The following CSMD1 variants were observed in gnomAD, a reference collection of about 807,000 sequenced individuals.
CSMD1 encodes the protein CUB and Sushi multiple domains 1.
In CSMD1, 213 loss-of-function variants were observed where a neutral mutation model predicts 417.5. The ratio of observed to expected loss-of-function variants is 0.51; its 90% CI spans 0.46 to 0.57. The LOEUF is 0.57. CSMD1 is among the 20% of genes least tolerant of loss of function. The probability of loss-of-function intolerance (pLI) is 0.00; values close to 1 mark genes in which losing one functional copy is unlikely to be tolerated. For missense variants in CSMD1, 6,923 were observed against 4,529.7 expected, an observed-to-expected ratio of 1.53 and a Z score of -15.17; for synonymous variants, 2,862 against 1,736.8, an observed-to-expected ratio of 1.65 and a Z score of -16.11.
At chr8:3,936,684 A>T (rs1810522770) in intron 5 of CSMD1, among the ~76,000 whole-genome samples, 1 of 152,216 alleles carries the variant, frequency 6.6e-6, no homozygotes, top group Non-Finnish European at 1.5e-5. Flanking sequence ...ACCTGGTCAC[A>T]CAAGAGCTCT....
intron 46 of CSMD1, among the ~76,000 whole-genome samples, chr8:3,101,516 G>C (rs536024320): frequency 6.6e-6 from 1 of 152,064 alleles, no homozygotes; most frequent in Non-Finnish European, 1.5e-5. Flanking sequence ...TCCACCTCCG[G>C]GGTTCACACC....
chr8:3,858,716 T>A (rs371803786), intron 5 of CSMD1, among the ~76,000 whole-genome samples: 9 of 152,118 alleles, frequency 5.9e-5, no homozygotes, highest in African/African-American at 2.2e-4. Context: ...AAATAGTCCA[T>A]AAATCAGATT....
chr8:3,605,987 G>C (rs915724486), intron 8 of CSMD1, among the ~76,000 whole-genome samples: 1 of 152,066 alleles, frequency 6.6e-6, no homozygotes, highest in African/African-American at 2.4e-5. Context: ...TGTGGGGTCC[G>C]GTCATATAAA....
At chr8:4,779,067 C>G (rs141344005) in intron 1 of CSMD1, among the ~76,000 whole-genome samples, 373 of 152,282 alleles carry the variant, frequency 2.4e-3, no homozygotes, top group Admixed American at 5.4e-3. Flanking sequence ...GCTGTACATA[C>G]AGAATCCTTA....
chr8:3,104,134 T>C (rs1056857586), intron 46 of CSMD1, among the ~76,000 whole-genome samples: 6 of 152,232 alleles, frequency 3.9e-5, no homozygotes, highest in African/African-American at 1.4e-4. Context: ...AAGTCTTCTA[T>C]TCTGAGAAAC....
intron 5 of CSMD1, among the ~76,000 whole-genome samples, chr8:3,889,411 T>G (rs1217973405): frequency 1.4e-5 from 2 of 140,696 alleles, no homozygotes; most frequent in African/African-American, 5.2e-5. Context: ...AAATAATGCC[T>G]TCCACATTGT....
At chr8:3,971,425 G>A (rs1027333979) in intron 5 of CSMD1, among the ~76,000 whole-genome samples, 1 of 151,920 alleles carries the variant, frequency 6.6e-6, no homozygotes. Context: ...TATATTTTTT[G>A]GCCCTCTCTA....
At chr8:3,519,813 T>C (rs1467932562) in intron 10 of CSMD1, among the ~76,000 whole-genome samples, 1 of 146,844 alleles carries the variant, frequency 6.8e-6, no homozygotes, top group Non-Finnish European at 1.5e-5. Flanking sequence ...GCTACATTAC[T>C]GTTACCTCTT....
In CSMD1 at chr8:4,944,146, T is replaced by C. The variant is rs146573163; in HGVS notation, c.85+50186A>G. On this transcript the variant is annotated intron_variant, in intron 1 of 69. Transcript: ENST00000635120. The stretch of plus-strand genomic sequence containing the variant: ...CTGCTGAGTTTTAGGCATCTGAATA[T>C]CTTGGAAGTCTCATGAAAGAGAAAA... Among the ~76,000 whole-genome samples the C allele has an allele frequency of 5.9e-5, 9 of 152,282 alleles. 1 individual carries two copies. Among genetic ancestry groups the C allele is most frequent in the African/African-American group, 1.9e-4 (8 of 41,554 alleles).
At chr8:4,840,111 C>T (rs1375322716) in intron 1 of CSMD1, among the ~76,000 whole-genome samples, 2 of 18,630 alleles carry the variant, frequency 1.1e-4, no homozygotes, top group Non-Finnish European at 1.8e-4. Flanking sequence ...CTCACTTAGA[C>T]TCCACGGAGG....
intron 3 of CSMD1, among the ~76,000 whole-genome samples, chr8:4,198,737 A>G (rs1221740159): frequency 6.6e-6 from 1 of 152,116 alleles, no homozygotes; most frequent in African/African-American, 2.4e-5. Flanking sequence ...TTTTCTTTGT[A>G]ATCTATACTT....
intron 10 of CSMD1, among the ~76,000 whole-genome samples, chr8:3,515,930 T>C (rs1797264128): frequency 6.6e-6 from 1 of 152,226 alleles, no homozygotes; most frequent in South Asian, 2.1e-4. Flanking sequence ...AAATAATGAA[T>C]ACTAGTATGT....
intron 5 of CSMD1, among the ~76,000 whole-genome samples, chr8:3,931,373 C>G (rs534657747): frequency 2.7e-5 from 4 of 150,506 alleles, no homozygotes; most frequent in Admixed American, 1.3e-4. Flanking sequence ...TCTCAGGCTT[C>G]TATTTGAATG....
intron 1 of CSMD1, chr8:4,787,198 G>C (rs1321366177): frequency 2.3e-6 from 1 of 444,424 alleles, no homozygotes; most frequent in Non-Finnish European, 4.2e-6. Context: ...GCGCAGGGTC[G>C]CGGGGCCCCG....
intron 26 of CSMD1, among the ~76,000 whole-genome samples, chr8:3,240,492 G>C (rs187371461): frequency 1.3e-5 from 2 of 152,034 alleles, no homozygotes; most frequent in Non-Finnish European, 2.9e-5. Context: ...GGGAGAGCAC[G>C]TGTGTTTTTA....
At chr8:3,844,295 A>G (rs1403117406) in intron 5 of CSMD1, among the ~76,000 whole-genome samples, 1 of 152,170 alleles carries the variant, frequency 6.6e-6, no homozygotes, top group African/African-American at 2.4e-5. Context: ...GTCAAGGAAA[A>G]TTAATAACAG....
chr8:3,512,929 T>C (rs952954903), intron 10 of CSMD1, among the ~76,000 whole-genome samples: 13 of 152,032 alleles, frequency 8.6e-5, no homozygotes, highest in African/African-American at 4.8e-5. Flanking sequence ...CGTGGGCCCG[T>C]TGTATAACCA....
intron 3 of CSMD1, among the ~76,000 whole-genome samples, chr8:4,346,393 G>A (rs1800779480): frequency 6.6e-6 from 1 of 152,074 alleles, no homozygotes; most frequent in Non-Finnish European, 1.5e-5. Context: ...CCCCACAGCC[G>A]AGTTGAACAG....
chr8:4,740,649 T>A (rs1449149016), intron 1 of CSMD1, among the ~76,000 whole-genome samples: 1 of 152,212 alleles, frequency 6.6e-6, no homozygotes, highest in Non-Finnish European at 1.5e-5. Context: ...TATGTGCAGC[T>A]CTCTGGCTTT....
Sources: allele counts gnomAD v4.1 joint callset (sites outside exome capture counted in the v4.1 genomes callset), GRCh38; gene constraint gnomAD v4.1.1; transcripts MANE v1.5; gene names NCBI Gene and HGNC (gene_info 2026-07-23, HGNC 2026-07-21).